KIAA1549L: variants seen among roughly 807,000 people sequenced by gnomAD.
KIAA1549L encodes KIAA1549 like.
In KIAA1549L, 88 loss-of-function variants were observed where a neutral mutation model predicts 160.7. The ratio of observed to expected loss-of-function variants is 0.55; its 90% CI spans 0.46 to 0.65. The LOEUF (loss-of-function observed/expected upper bound fraction) is 0.65. KIAA1549L is among the 30% of genes least tolerant of loss of function. The pLI, the probability that KIAA1549L is intolerant of heterozygous loss-of-function variation, is 0.00. For missense variants in KIAA1549L, 2,258 were observed against 2,437.5 expected, an observed-to-expected ratio of 0.93 and a Z score of 1.55; for synonymous variants, 950 against 976.7, an observed-to-expected ratio of 0.97 and a Z score of 0.51.
chr11:33,589,969 C>T (rs1850000237), intron 11 of KIAA1549L, among the ~76,000 whole-genome samples: 1 of 152,086 alleles, frequency 6.6e-6, no homozygotes, highest in African/African-American at 2.4e-5. Flanking sequence ...CTCTAAATGA[C>T]AGAGCTTGAA....
At position 33,633,703 on chromosome 11, in the gene KIAA1549L, G is replaced by A. The variant is rs191570864; in HGVS notation, c.5410-11983G>A. On this transcript the variant is annotated intron_variant, in intron 16 of 20. Coordinates refer to ENST00000658780, the MANE Select transcript of KIAA1549L (RefSeq NM_012194.3). Reference sequence around the variant, plus strand: ...TACTTTCGGGTGGATTCCTTTTGAAGAGGTGTTTTTAATTATGACTGTGGT... The same window carrying A: ...TACTTTCGGGTGGATTCCTTTTGAAAAGGTGTTTTTAATTATGACTGTGGT... 1.0e-3 allele frequency among the ~76,000 whole-genome samples: 155 copies of A among 152,362 alleles called. 2 individuals are homozygous for A. Among genetic ancestry groups the A allele is most frequent in the Non-Finnish European group, 1.7e-3 (119 of 68,038 alleles).
chr11:33,437,824 T>A (rs1184254907), intron 1 of KIAA1549L, among the ~76,000 whole-genome samples: 1 of 152,194 alleles, frequency 6.6e-6, no homozygotes, highest in East Asian at 1.9e-4. Context: ...AGTTGGGAAG[T>A]CAACCTGCAG....
intron 16 of KIAA1549L, among the ~76,000 whole-genome samples, chr11:33,636,148 G>A (rs373383109): frequency 3.6e-4 from 55 of 152,180 alleles, no homozygotes; most frequent in African/African-American, 1.1e-3. Flanking sequence ...AACCACTGTC[G>A]CAGCATGCCA....
intron 1 of KIAA1549L, among the ~76,000 whole-genome samples, chr11:33,389,927 C>A (rs917242488): frequency 2.0e-5 from 3 of 152,372 alleles, no homozygotes; most frequent in Admixed American, 1.3e-4. Flanking sequence ...CTAAAACTAG[C>A]TCCAGTATGG....
intron 1 of KIAA1549L, among the ~76,000 whole-genome samples, chr11:33,385,300 C>T (rs1437216875): frequency 1.3e-5 from 2 of 152,206 alleles, no homozygotes; most frequent in African/African-American, 4.8e-5. Context: ...TCTCCATATG[C>T]CAGTACAACA....
At chr11:33,591,570 A>T (rs558644529) in intron 12 of KIAA1549L, 149 bp downstream of exon 12, 12 of 660,292 alleles carry the variant, frequency 1.8e-5, no homozygotes, top group African/African-American at 3.6e-5. Flanking sequence ...ACTAAAGGAG[A>T]TGATGAGAAT....
Position 33,591,223 on chromosome 11 carries a change from T to A in KIAA1549L, c.4567-14T>A, listed in dbSNP as rs1459528130. On this transcript the variant is annotated splice_polypyrimidine_tract_variant and intron_variant, in intron 11 of 20. Coordinates refer to ENST00000658780, the MANE Select transcript of KIAA1549L (RefSeq NM_012194.3). ...CGCTAGAAATACGACTGCAAATCTGTTTCCTCTTTGCAGCCTGTGCAAGGC... is the reference window on the plus strand; with the variant it reads ...CGCTAGAAATACGACTGCAAATCTGATTCCTCTTTGCAGCCTGTGCAAGGC... 1 of 1,598,064 alleles carries A rather than the reference T, an allele frequency of 6.3e-7. No homozygotes were observed. Among genetic ancestry groups the A allele is most frequent in the Admixed American group, 1.7e-5 (1 of 57,712 alleles).
Position 33,414,290 on chromosome 11 carries a change from G to A in KIAA1549L, c.238+37401G>A, listed in dbSNP as rs569987787. Among the ~76,000 whole-genome samples the A allele has an allele frequency of 3.9e-4, 60 of 152,222 alleles. 1 individual carries two copies. Among genetic ancestry groups the A allele is most frequent in the African/African-American group, 1.4e-3 (58 of 41,522 alleles). ...GATCTAGCACGAAGTATATAATATCGTAATTTATGAAGTGAATATTCCATG... is the reference window on the plus strand; with the variant it reads ...GATCTAGCACGAAGTATATAATATCATAATTTATGAAGTGAATATTCCATG... On this transcript the variant is annotated intron_variant, in intron 1 of 20. Coordinates refer to ENST00000658780, the MANE Select transcript of KIAA1549L (RefSeq NM_012194.3).
intron 16 of KIAA1549L, among the ~76,000 whole-genome samples, chr11:33,638,020 G>A (rs1851480954): frequency 2.0e-5 from 3 of 151,964 alleles, no homozygotes; most frequent in Admixed American, 2.0e-4. Context: ...CCTCCTTCAG[G>A]TCTGAAAACA....
Position 33,450,588 on chromosome 11 carries a change from C to CA in KIAA1549L, c.238+73705dup, listed in dbSNP as rs67651212. ...TAAACAACAACAACAACAACAACAA[C>CA]AAAAAAGAAAACTGCTCTGGAGTCA... is the stretch of plus-strand genomic sequence containing the variant. On this transcript the variant is annotated intron_variant, in intron 1 of 20. Coordinates refer to ENST00000658780, the MANE Select transcript of KIAA1549L (RefSeq NM_012194.3). 736 of 149,636 alleles carry CA rather than the reference C, an allele frequency of 4.9e-3. 5 individuals are homozygous for CA. The highest frequency in any genetic ancestry group is 8.2e-3 in the Non-Finnish European group (553 of 67,734). The allele number at this position is 149,636 out of a possible 1,614,324, so 9.3% of individuals were successfully genotyped here. A position where few individuals can be genotyped will look rare whatever the true frequency, so the allele number is the denominator to read the frequency against.
chr11:33,590,830 C>T (rs546305027), intron 11 of KIAA1549L, among the ~76,000 whole-genome samples: 2 of 152,272 alleles, frequency 1.3e-5, no homozygotes, highest in Admixed American at 1.3e-4. Context: ...TAAAGCTATA[C>T]GAGAATGGAG....
At chr11:33,629,256 A>G (rs929326749) in intron 16 of KIAA1549L, among the ~76,000 whole-genome samples, 11 of 152,154 alleles carry the variant, frequency 7.2e-5, no homozygotes, top group African/African-American at 2.7e-4. Context: ...GAATCTGACA[A>G]TTATATGTCT....
chr11:33,523,953 G>A (rs1369088449), intron 1 of KIAA1549L, among the ~76,000 whole-genome samples: 2 of 151,664 alleles, frequency 1.3e-5, no homozygotes, highest in Admixed American at 6.6e-5. Flanking sequence ...TATTTATTTA[G>A]TAAATCTTGA....
intron 1 of KIAA1549L, among the ~76,000 whole-genome samples, chr11:33,397,613 G>A (rs1043327348): frequency 2.0e-5 from 3 of 151,816 alleles, no homozygotes; most frequent in Non-Finnish European, 4.4e-5. Context: ...TCGGGAGGCT[G>A]AGGCAGGAGA....
chr11:33,627,257 T>C (rs1211046748), intron 16 of KIAA1549L, among the ~76,000 whole-genome samples: 2 of 149,144 alleles, frequency 1.3e-5, no homozygotes, highest in African/African-American at 5.0e-5. Flanking sequence ...GGTATCAGGA[T>C]GATGCTGGCC....
intron 16 of KIAA1549L, among the ~76,000 whole-genome samples, chr11:33,639,535 C>A (rs1323880775): frequency 6.6e-6 from 1 of 151,982 alleles, no homozygotes; most frequent in Non-Finnish European, 1.5e-5. Flanking sequence ...ATGCAAAGTT[C>A]TTTTATTATT....
Position 33,559,804 on chromosome 11 carries a change from A to G in KIAA1549L, c.3911A>G (p.Asn1304Ser), listed in dbSNP as rs1386300387. ...GTCACCTTGGTGTACGTCGTGGGCA[A>G]TCAGAGCACATTCCTCAACGGCACC... ...QAVTLVYVVG[N>S]QSTFLNGTVA... Residue 1304 changes from asparagine to serine, a missense_variant, in exon 7 of 21, where the codon AAT (asparagine) becomes AGT (serine). Physicochemically the swap from Asn to Ser is conservative, Grantham distance 46. Transcript: ENST00000658780. 26 of 1,613,980 alleles carry G rather than the reference A, an allele frequency of 1.6e-5. No individual in the cohort carries two copies. The highest frequency in any genetic ancestry group is 1.6e-4 in the Middle Eastern group (1 of 6,062).
intron 13 of KIAA1549L, among the ~76,000 whole-genome samples, chr11:33,601,504 G>T (rs1185989119): frequency 6.6e-6 from 1 of 152,200 alleles, no homozygotes; most frequent in Non-Finnish European, 1.5e-5. Context: ...GAATGGAATT[G>T]TGGAGAAAAC....
intron 1 of KIAA1549L, among the ~76,000 whole-genome samples, chr11:33,489,314 G>GAGAGAC (rs1429514651): frequency 6.6e-6 from 1 of 152,212 alleles, no homozygotes; most frequent in African/African-American, 2.4e-5. Flanking sequence ...TGCATGCAGA[G>GAGAGAC]AGAGACAGAG....
Sources: gnomAD v4.1 joint callset for allele counts (sites outside exome capture counted in the v4.1 genomes callset) on GRCh38, gnomAD v4.1.1 for gene constraint, MANE v1.5 for transcripts, NCBI Gene and HGNC (gene_info 2026-07-23, HGNC 2026-07-21) for gene names.